Variants in FASTKD2 observed in about 807,000 individuals in gnomAD.
The protein encoded by FASTKD2 is FAST kinase domains 2, also known as FAST kinase domain-containing protein 2, mitochondrial.
A neutral mutation model predicts 63.6 loss-of-function variants in FASTKD2; 51 were observed. The ratio of observed to expected loss-of-function variants is 0.80; its 90% confidence interval spans 0.64 to 1.01. FASTKD2 has a LOEUF of 1.01. FASTKD2 is among the 50% of genes least tolerant of loss of function. The probability of loss-of-function intolerance (pLI) is 0.00; values close to 1 mark genes in which losing one functional copy is unlikely to be tolerated. For missense variants in FASTKD2, 786 were observed against 831.1 expected (o/e 0.95, Z 0.67); for synonymous variants, 284 against 293.4 (o/e 0.97, Z 0.33).
Position 206,771,283 on chromosome 2 carries a change from A to G in FASTKD2, c.983A>G (p.Lys328Arg), listed in dbSNP as rs1193598168. The G allele has an allele frequency of 1.6e-5, 25 of 1,580,264 alleles. No individual in the cohort carries two copies. The highest frequency in any genetic ancestry group is 2.1e-5 in the Non-Finnish European group (24 of 1,149,220). Residue 328 changes from lysine to arginine, a missense_variant, in exon 4 of 12, where the codon AAA becomes AGA. Transcript: ENST00000402774. ...GKDAPIALKR[K>R]LEMKALRELD... ...GATGCACCGATTGCTCTTAAGAGGAAACTGGAGGTAAACACATGAATTTTC... is the reference window on the plus strand; with the variant it reads ...GATGCACCGATTGCTCTTAAGAGGAGACTGGAGGTAAACACATGAATTTTC...
At position 206,794,405 on chromosome 2, in the gene FASTKD2, T is replaced by C. The variant is rs1690385225; in HGVS notation, c.*2603T>C. On this transcript the variant is annotated 3_prime_UTR_variant, in exon 12 of 12. Coordinates refer to ENST00000402774, the MANE Select transcript of FASTKD2 (RefSeq NM_001136193.2). ...GCAATTCTTTTTTATTATTTTTTAATTTTAATTTTTAGATTTTTAAAGATG... is the reference window on the plus strand; with the variant it reads ...GCAATTCTTTTTTATTATTTTTTAACTTTAATTTTTAGATTTTTAAAGATG... Among the ~76,000 whole-genome samples, 1 of 152,198 alleles carries C rather than the reference T, an allele frequency of 6.6e-6. No homozygotes were observed. Among genetic ancestry groups the C allele is most frequent in the African/African-American group, 2.4e-5 (1 of 41,458 alleles).
chr2:206,786,246 G>C (rs1023754690), intron 7 of FASTKD2, among the ~76,000 whole-genome samples: 4 of 152,124 alleles, frequency 2.6e-5, no homozygotes, highest in African/African-American at 9.7e-5. Flanking sequence ...TGGGTGGTAG[G>C]ATTAGGCTTG....
chr2:206,769,206 G>T (rs1285691901), intron 2 of FASTKD2, among the ~76,000 whole-genome samples: 1 of 152,216 alleles, frequency 6.6e-6, no homozygotes, highest in Non-Finnish European at 1.5e-5. Context: ...TTTCATAGTA[G>T]ATATGGATGG....
chr2:206,768,591 T>G (rs1218808110), intron 2 of FASTKD2, among the ~76,000 whole-genome samples: 3 of 152,086 alleles, frequency 2.0e-5, no homozygotes, highest in Non-Finnish European at 2.9e-5. Flanking sequence ...TCCCAGCTAC[T>G]TGGGAGGCTG....
At chr2:206,776,957 C>A (rs1689840250) in intron 7 of FASTKD2, among the ~76,000 whole-genome samples, 1 of 151,936 alleles carries the variant, frequency 6.6e-6, no homozygotes, top group Non-Finnish European at 1.5e-5. Context: ...TTATTTGTGT[C>A]TTTAATTTCT....
At chr2:206,788,969 A>G (rs754826057) in intron 10 of FASTKD2, 66 bp downstream of exon 10, 1 of 839,910 alleles carries the variant, frequency 1.2e-6, no homozygotes, top group Admixed American at 1.8e-5. Flanking sequence ...AAGACTTCAT[A>G]TTAAATAGCA....
intron 10 of FASTKD2, chr2:206,789,883 T>G (rs536898354): frequency 6.6e-6 from 1 of 152,426 alleles, no homozygotes; most frequent in South Asian, 2.1e-4. Context: ...CATAAAGTCA[T>G]GAGAAGTGAA....
chr2:206,782,188 C>G (rs911513878), intron 7 of FASTKD2, among the ~76,000 whole-genome samples: 14 of 152,202 alleles, frequency 9.2e-5, no homozygotes, highest in African/African-American at 3.4e-4. Flanking sequence ...TCTACTCTCT[C>G]CCTCCAAGGG....
chr2:206,792,065 C>T lies in FASTKD2; in HGVS notation c.*263C>T. ...TTTGATTTGTGAGCTGTACGTTTCA[C>T]CTTTTCATCTTTGATCTACTAAAAA... On this transcript the variant is annotated 3_prime_UTR_variant, in exon 12 of 12. Transcript: ENST00000402774. 2.2e-6 allele frequency: 1 copy of T among 449,406 alleles called. No homozygotes were observed. Among genetic ancestry groups the T allele is most frequent in the South Asian group, 2.2e-5 (1 of 45,284 alleles). The allele number at this position is 449,406 out of a possible 1,614,324, so 27.8% of individuals were successfully genotyped here. A position where few individuals can be genotyped will look rare whatever the true frequency, so the allele number is the denominator to read the frequency against.
intron 7 of FASTKD2, among the ~76,000 whole-genome samples, chr2:206,781,264 T>C (rs150372938): frequency 6.7e-4 from 101 of 151,874 alleles, no homozygotes; most frequent in African/African-American, 2.2e-3. Context: ...ATTAATCAGC[T>C]TAGCCAGAGA....
Position 206,767,323 on chromosome 2 carries a change from C to A in FASTKD2, c.630C>A (p.His210Gln), listed in dbSNP as rs746568003. The change falls in exon 2 of 12, where the codon CAC (histidine) becomes CAA (glutamine). Residue 210 changes from histidine (H) to glutamine (Q), a missense_variant. Physicochemically the swap from His to Gln is conservative, Grantham distance 24 (BLOSUM62 0). Coordinates refer to ENST00000402774, the MANE Select transcript of FASTKD2 (RefSeq NM_001136193.2). ...KRFEKRLMFS[H>Q]PAFNQLCEHM... ...TTGAAAAACGACTGATGTTTAGCCACCCTGCATTTAATCAGCTCTGTGAAC... is the reference window on the plus strand; with the variant it reads ...TTGAAAAACGACTGATGTTTAGCCAACCTGCATTTAATCAGCTCTGTGAAC... The A allele has an allele frequency of 6.2e-7, 1 of 1,614,160 alleles. No homozygotes were observed. Among genetic ancestry groups the A allele is most frequent in the African/African-American group, 1.3e-5 (1 of 75,050 alleles).
At chr2:206,772,070 C>T (rs562029163) in intron 5 of FASTKD2, 53 bp downstream of exon 5, 2 of 1,606,298 alleles carry the variant, frequency 1.2e-6, no homozygotes, top group South Asian at 1.1e-5. Flanking sequence ...CTGTTTTAGA[C>T]TATTTTTGTT....
intron 6 of FASTKD2, 31 bp downstream of exon 6, chr2:206,772,351 C>G (rs889457979): frequency 6.2e-7 from 1 of 1,605,468 alleles, no homozygotes; most frequent in South Asian, 1.1e-5. Flanking sequence ...GAATAAGCCT[C>G]ACAAACTTTT....
chr2:206,787,869 T>C, intron 8 of FASTKD2, 68 bp from the exon 9 acceptor site: 1 of 765,122 alleles, frequency 1.3e-6, no homozygotes, highest in Admixed American at 2.0e-5. Context: ...ACTAAATATA[T>C]ACTAATATAG....
In FASTKD2 at chr2:206,772,163, T is replaced by C. The variant is rs778508362; in HGVS notation, c.1115-18T>C. The C allele has an allele frequency of 6.2e-7, 1 of 1,609,732 alleles. No homozygotes were observed. Among genetic ancestry groups the C allele is most frequent in the South Asian group, 1.1e-5 (1 of 90,968 alleles). On this transcript the variant is annotated intron_variant, in intron 5 of 11. Transcript: ENST00000402774. ...CAATCAGGTAATTTTTGTTTGTTTATTTAACTCATTCTTCAAGATAATATC... is the reference window on the plus strand; with the variant it reads ...CAATCAGGTAATTTTTGTTTGTTTACTTAACTCATTCTTCAAGATAATATC...
In FASTKD2 at chr2:206,767,125, T is replaced by C; in HGVS notation, c.432T>C (p.Val144=). The change falls in exon 2 of 12, where the codon GTT becomes GTC. Residue 144 remains valine (V), a synonymous_variant. Transcript: ENST00000402774. ...ATCATGAAGTCTCCAATGAAGATGT[T>C]CTTACCAAGGAAACAAAACCAAACC... ...NLNHEVSNED[V]LTKETKPNRI... 1 of 1,614,112 alleles carries C rather than the reference T, an allele frequency of 6.2e-7. No individual in the cohort carries two copies. Among genetic ancestry groups the C allele is most frequent in the Non-Finnish European group, 8.5e-7 (1 of 1,179,952 alleles).
At chr2:206,785,592 G>T (rs564466670) in intron 7 of FASTKD2, among the ~76,000 whole-genome samples, 12 of 152,048 alleles carry the variant, frequency 7.9e-5, no homozygotes, top group Admixed American at 3.3e-4. Context: ...AAGACCAGAG[G>T]GGGGATCATT....
intron 2 of FASTKD2, among the ~76,000 whole-genome samples, chr2:206,769,378 T>C (rs1403208959): frequency 6.6e-6 from 1 of 152,256 alleles, no homozygotes; most frequent in Non-Finnish European, 1.5e-5. Context: ...AGGCTAAGTT[T>C]CCTCAGATGT....
chr2:206,789,160 C>A, intron 10 of FASTKD2: 1 of 424,316 alleles, frequency 2.4e-6, no homozygotes, highest in Non-Finnish European at 4.3e-6. Flanking sequence ...AGCTATAGTT[C>A]AATAAAACAA....
Sources: allele counts gnomAD v4.1 joint callset (sites outside exome capture counted in the v4.1 genomes callset), GRCh38; gene constraint gnomAD v4.1.1; transcripts MANE v1.5; gene names NCBI Gene and HGNC (gene_info 2026-07-23, HGNC 2026-07-21).